CRYBG1: variants seen among roughly 807,000 people sequenced by gnomAD.
CRYBG1 encodes beta/gamma crystallin domain-containing protein 1.
Under a neutral mutation model 189.2 loss-of-function variants are expected in CRYBG1, and 139 were observed. The ratio of observed to expected loss-of-function variants is 0.73; its 90% CI spans 0.64 to 0.85. CRYBG1 has a LOEUF of 0.85. CRYBG1 is among the 40% of genes least tolerant of loss of function. CRYBG1 has a pLI of 0.00. For synonymous variants in CRYBG1, 1,023 were observed against 1,017.1 expected (o/e 1.01, Z -0.11); for missense variants, 2,611 against 2,675.8 (o/e 0.98, Z 0.53).
intron 20 of CRYBG1, among the ~76,000 whole-genome samples, chr6:106,562,664 T>C (rs904638765): frequency 6.6e-6 from 1 of 152,148 alleles, no homozygotes; most frequent in Non-Finnish European, 1.5e-5. Context: ...CTTTTTTGTA[T>C]TTTTAGTAGA....
chr6:106,535,322 T>A (rs1371106873), intron 8 of CRYBG1, among the ~76,000 whole-genome samples: 1 of 152,212 alleles, frequency 6.6e-6, no homozygotes, highest in African/African-American at 2.4e-5. Flanking sequence ...CCCAATTTTT[T>A]ATTATAAAAG....
chr6:106,514,498 C>A (rs946243594), intron 3 of CRYBG1, among the ~76,000 whole-genome samples: 1 of 152,078 alleles, frequency 6.6e-6, no homozygotes, highest in Admixed American at 6.5e-5. Flanking sequence ...AACCTGGAGA[C>A]CTTTGATATA....
intron 2 of CRYBG1, among the ~76,000 whole-genome samples, chr6:106,464,246 G>C (rs188181491): frequency 2.2e-3 from 328 of 152,302 alleles, no homozygotes; most frequent in African/African-American, 7.3e-3. Context: ...TGTCATCCCA[G>C]CACTTTGGGA....
At chr6:106,519,102 A>T (rs1401758873) in intron 3 of CRYBG1, 29 bp from the exon 4 acceptor site, 7 of 1,573,016 alleles carry the variant, frequency 4.5e-6, no homozygotes, top group Non-Finnish European at 6.0e-6. Context: ...CTAGGTCAAT[A>T]ACTTTATCTT....
In CRYBG1 at chr6:106,520,997, C is replaced by T. The variant is rs1464550456; in HGVS notation, c.3789C>T (p.Val1263=). ...TCTTTTCTCCTTCTGTGACATCAGT[C>T]AACACTATGACCACGGCTTTCAGTA... ...DKIFSPSVTS[V]NTMTTAFSTS... The change falls in exon 4 of 22, where the codon GTC becomes GTT. Residue 1263 remains valine (V), a synonymous_variant. Transcript: ENST00000633556. 1.9e-6 allele frequency: 3 copies of T among 1,614,026 alleles called. No homozygotes were observed. In the African/African-American group the frequency reaches 4.0e-5, roughly 22 times the overall value.
At chr6:106,454,492 C>T (rs1771846114) in intron 2 of CRYBG1, among the ~76,000 whole-genome samples, 1 of 152,206 alleles carries the variant, frequency 6.6e-6, no homozygotes, top group Non-Finnish European at 1.5e-5. Context: ...CCATACATTC[C>T]AAATTACCCT....
chr6:106,498,397 A>G (rs1459067080), intron 2 of CRYBG1, among the ~76,000 whole-genome samples: 1 of 152,126 alleles, frequency 6.6e-6, no homozygotes, highest in Non-Finnish European at 1.5e-5. Context: ...TAAAGACACA[A>G]TCCGGAACGC....
At chr6:106,375,610 G>T (rs1171095930) in intron 1 of CRYBG1, among the ~76,000 whole-genome samples, 2 of 152,128 alleles carry the variant, frequency 1.3e-5, no homozygotes, top group Non-Finnish European at 2.9e-5. Flanking sequence ...AGGCTCAGTT[G>T]GTTAGCATCA....
At chr6:106,472,458 G>A in intron 2 of CRYBG1, among the ~76,000 whole-genome samples, 1 of 152,118 alleles carries the variant, frequency 6.6e-6, no homozygotes, top group East Asian at 1.9e-4. Flanking sequence ...ACTATCTAAA[G>A]ATGTGTTTGT....
intron 7 of CRYBG1, among the ~76,000 whole-genome samples, chr6:106,529,951 G>A (rs1182804276): frequency 6.6e-6 from 1 of 152,216 alleles, no homozygotes; most frequent in African/African-American, 2.4e-5. Context: ...TTGCTTGAAT[G>A]CAACACTGAG....
intron 16 of CRYBG1, 34 bp from the exon 17 acceptor site, chr6:106,555,734 A>G: frequency 1.2e-6 from 2 of 1,610,128 alleles, no homozygotes; most frequent in Non-Finnish European, 1.7e-6. Context: ...CAAGTTGCAT[A>G]TTCTGTGCAT....
chr6:106,409,909 A>G (rs557087924), intron 1 of CRYBG1, among the ~76,000 whole-genome samples: 1 of 152,324 alleles, frequency 6.6e-6, no homozygotes, highest in South Asian at 2.1e-4. Flanking sequence ...AAGACCTAAA[A>G]CCATAGATAC....
chr6:106,526,626 G>A (rs756700956), intron 6 of CRYBG1, among the ~76,000 whole-genome samples: 9 of 152,034 alleles, frequency 5.9e-5, no homozygotes, highest in Non-Finnish European at 1.3e-4. Flanking sequence ...GTCTCTCTAA[G>A]AGAAATGTTT....
intron 13 of CRYBG1, among the ~76,000 whole-genome samples, chr6:106,545,140 T>C (rs1770718): frequency 0.82 from 124,596 of 152,084 alleles, 51,749 homozygotes; most frequent in South Asian, 0.95. Flanking sequence ...TTTTTACGTT[T>C]GGGGTAGGCT....
rs1774106677 is a variant in CRYBG1, at chr6:106,540,609, A to C, written c.4846-977A>C. Reference sequence around the variant, plus strand: ...AAGTCTCCAAAGTCTATGGTGTTCAAACAGGATTACTTTTGAAAAGGTCAT... The same window carrying C: ...AAGTCTCCAAAGTCTATGGTGTTCACACAGGATTACTTTTGAAAAGGTCAT... On this transcript the variant is annotated intron_variant, in intron 9 of 21. Coordinates refer to ENST00000633556, the MANE Select transcript of CRYBG1 (RefSeq NM_001371242.2). Among the ~76,000 whole-genome samples, 3 of 152,312 alleles carry C rather than the reference A, an allele frequency of 2.0e-5. No individual in the cohort carries two copies. The South Asian group carries it at 6.2e-4, about 32-fold the overall frequency.
At chr6:106,537,184 A>C (rs1774023345) in intron 8 of CRYBG1, among the ~76,000 whole-genome samples, 1 of 152,216 alleles carries the variant, frequency 6.6e-6, no homozygotes, top group Admixed American at 6.5e-5. Flanking sequence ...TAGATGAATA[A>C]ATCCCCTCTG....
chr6:106,459,777 A>C (rs1333806325), intron 2 of CRYBG1, among the ~76,000 whole-genome samples: 1 of 152,174 alleles, frequency 6.6e-6, no homozygotes, highest in Non-Finnish European at 1.5e-5. Context: ...TTTGCGGGAT[A>C]AATTCCCTAG....
In CRYBG1 at chr6:106,511,559, C is replaced by A; in HGVS notation, c.442C>A (p.Pro148Thr). 6.5e-7 allele frequency: 1 copy of A among 1,535,808 alleles called. No individual in the cohort carries two copies. Among genetic ancestry groups the A allele is most frequent in the Non-Finnish European group, 8.7e-7 (1 of 1,146,698 alleles). Residue 148 changes from proline to threonine, a missense_variant, in exon 3 of 22, where the codon CCA becomes ACA. Pro to Thr is a conservative substitution (Grantham distance 38, BLOSUM62 -1). Around this residue, in one of 3 missense-constraint regions of CRYBG1, gnomAD observed 985 missense variants for 924.4 expected, o/e 1.07. Transcript: ENST00000633556. Reference sequence around the variant, plus strand: ...GAGTCCCACCAGATCAAATGCCAAACCACTCTCTCCCAAAGATGTGGTAGC... The same window carrying A: ...GAGTCCCACCAGATCAAATGCCAAAACACTCTCTCCCAAAGATGTGGTAGC... ...LESPTRSNAK[P>T]LSPKDVVASP...
intron 1 of CRYBG1, among the ~76,000 whole-genome samples, chr6:106,366,397 A>G (rs1359960416): frequency 6.6e-6 from 1 of 152,222 alleles, no homozygotes; most frequent in African/African-American, 2.4e-5. Context: ...GTCTGCCACT[A>G]GCTGTGAGCT....
Sources: allele counts gnomAD v4.1 joint callset (sites outside exome capture counted in the v4.1 genomes callset), GRCh38; gene constraint gnomAD v4.1.1; regional missense constraint gnomAD v4.1.1; transcripts MANE v1.5; gene names NCBI Gene and HGNC (gene_info 2026-07-23, HGNC 2026-07-21).